MTR: variants seen among roughly 807,000 people sequenced by gnomAD.
The protein encoded by MTR is methionine synthase.
MTR carries 84 observed loss-of-function variants against 154.8 expected under a neutral mutation model. The ratio of observed to expected loss-of-function variants is 0.54; its 90% confidence interval spans 0.45 to 0.65. The LOEUF (loss-of-function observed/expected upper bound fraction) is 0.65, where lower values mean the gene tolerates loss of function less well. MTR is among the 30% of genes least tolerant of loss of function. The pLI, the probability that MTR is intolerant of heterozygous loss-of-function variation, is 0.00. For synonymous variants in MTR, 554 were observed against 553.9 expected, an observed-to-expected ratio of 1.00 and a Z score of 0.00; for missense variants, 1,275 against 1,570.2, an observed-to-expected ratio of 0.81 and a Z score of 3.18.
In MTR at chr1:236,875,835, A is replaced by G. The variant is rs566950927; in HGVS notation, c.2594+989A>G. 2.8e-3 allele frequency among the ~76,000 whole-genome samples: 390 copies of G among 137,446 alleles called. 4 individuals carry two copies. Among genetic ancestry groups the G allele is most frequent in the African/African-American group, 8.5e-3 (347 of 41,010 alleles). The allele number at this position is 137,446 out of a possible 152,430, so 90.2% of individuals were successfully genotyped here. ...CAGAATCAATAGGATATGTTTATATATAGAGAGAAAGAGATTTATTTTAAA... is the reference window on the plus strand; with the variant it reads ...CAGAATCAATAGGATATGTTTATATGTAGAGAGAAAGAGATTTATTTTAAA... On this transcript the variant is annotated intron_variant, in intron 24 of 32. Transcript: ENST00000366577.
At position 236,852,518 on chromosome 1, in the gene MTR, C is replaced by T. The variant is rs1663969544; in HGVS notation, c.1696-3C>T. The T allele has an allele frequency of 6.2e-7, 1 of 1,611,738 alleles. No individual in the cohort carries two copies. Among genetic ancestry groups the T allele is most frequent in the Non-Finnish European group, 8.5e-7 (1 of 1,178,170 alleles). ...TCTTTTCATATTTTAAAATTTTTGC[C>T]AGGAAACATTACCTGGAGCCAGAAT... On this transcript the variant is annotated splice_region_variant and splice_polypyrimidine_tract_variant and intron_variant, in intron 16 of 32. Coordinates refer to ENST00000366577, the MANE Select transcript of MTR (RefSeq NM_000254.3).
rs766014440 is a variant in MTR at position 236,835,533 on chromosome 1, C to A, written c.1189-14C>A. 1.2e-6 allele frequency: 2 copies of A among 1,612,558 alleles called. No homozygotes were observed. Among genetic ancestry groups the A allele is most frequent in the Admixed American group, 3.3e-5 (2 of 59,716 alleles). ...TGTCTCCTAATGCTGCTTCCTCTCT[C>A]ATTCTTCCTTCAGGAAGCCTTGTGT... is the stretch of plus-strand genomic sequence containing the variant. On this transcript the variant is annotated splice_polypyrimidine_tract_variant and intron_variant, in intron 13 of 32. Transcript: ENST00000366577.
rs1453654035 is a variant in MTR, at chr1:236,812,789, A to T, written c.554A>T (p.Asp185Val). The T allele has an allele frequency of 5.6e-6, 9 of 1,614,142 alleles. 1 individual carries two copies. The South Asian group carries it at 8.8e-5, about 16-fold the overall frequency. Reference sequence around the variant, plus strand: ...CAAGAGCAGGCCAAAGGACTTCTGGATGGCGGGGTTGATATCTTACTCATT... The same window carrying T: ...CAAGAGCAGGCCAAAGGACTTCTGGTTGGCGGGGTTGATATCTTACTCATT... Reference protein sequence around the residue: ...AYQEQAKGLLDGGVDILLIET... With the variant: ...AYQEQAKGLLVGGVDILLIET... The change falls in exon 6 of 33, where the codon GAT (aspartate) becomes GTT (valine). Residue 185 changes from aspartate to valine, a missense_variant. By Grantham distance (152) the Asp-to-Val change is radical (BLOSUM62 -3). Coordinates refer to ENST00000366577, the MANE Select transcript of MTR (RefSeq NM_000254.3).
chr1:236,883,300 A>G, intron 25 of MTR, among the ~76,000 whole-genome samples: 1 of 152,194 alleles, frequency 6.6e-6, no homozygotes, highest in East Asian at 1.9e-4. Flanking sequence ...GTTAGCGCAC[A>G]TATTGACCAT....
intron 10 of MTR, among the ~76,000 whole-genome samples, chr1:236,826,191 C>T (rs529294471): frequency 2.6e-5 from 4 of 152,200 alleles, no homozygotes; most frequent in Admixed American, 2.0e-4. Context: ...AAAATCAATA[C>T]TCTATTTTGT....
chr1:236,801,556 G>A (rs1180962518), intron 1 of MTR, among the ~76,000 whole-genome samples: 1 of 152,174 alleles, frequency 6.6e-6, no homozygotes, highest in Non-Finnish European at 1.5e-5. Flanking sequence ...TACATTACTG[G>A]TTTGGGTTTT....
Position 236,835,639 on chromosome 1 carries a change from A to G in MTR, c.1281A>G (p.Ala427=). Residue 427 remains alanine, a synonymous_variant, in exon 14 of 33, where the codon GCA becomes GCG. Coordinates refer to ENST00000366577, the MANE Select transcript of MTR (RefSeq NM_000254.3). The part of the protein sequence containing the change: ...MDDGMLDGPS[A]MTRFCNLIAS... ...ATGGCATGCTAGATGGTCCAAGTGC[A>G]ATGACCAGATTTTGCAACTTAATTG... 2 of 1,611,264 alleles carry G rather than the reference A, an allele frequency of 1.2e-6. No homozygotes were observed. The highest frequency in any genetic ancestry group is 1.7e-6 in the Non-Finnish European group (2 of 1,179,532).
At chr1:236,800,351 C>T in intron 1 of MTR, 4 of 985,334 alleles carry the variant, frequency 4.1e-6, no homozygotes, top group Non-Finnish European at 4.8e-6. Flanking sequence ...CCTATTTCCC[C>T]ACTGCCACAC....
intron 16 of MTR, 55 bp downstream of exon 16, chr1:236,850,578 T>C: frequency 2.0e-6 from 3 of 1,465,850 alleles, no homozygotes; most frequent in South Asian, 2.3e-5. Context: ...CCCATGGGTC[T>C]AATGAATGGT....
intron 1 of MTR, chr1:236,800,257 A>T (rs919967960): frequency 2.0e-6 from 2 of 985,314 alleles, no homozygotes; most frequent in African/African-American, 3.5e-5. Flanking sequence ...GCCAAAGGAC[A>T]TACTTCACTG....
chr1:236,873,661 G>C lies in MTR; in HGVS notation c.2406-112G>C, dbSNP rs1665265070. The C allele has an allele frequency of 4.6e-6, 4 of 873,724 alleles. No individual in the cohort carries two copies. In the African/African-American group the frequency reaches 6.7e-5, roughly 15 times the overall value. 54.1% of individuals were successfully genotyped at this position (873,724 alleles called of 1,614,324 possible). A position where few individuals can be genotyped will look rare whatever the true frequency, so the allele number is the denominator to read the frequency against. On this transcript the variant is annotated intron_variant, in intron 22 of 32. Coordinates refer to ENST00000366577, the MANE Select transcript of MTR (RefSeq NM_000254.3). Reference sequence around the variant, plus strand: ...CAATATTTAGTGAGCATTTCAACTTGATTCTCGTTTACATTAGAGCAGTAT... The same window carrying C: ...CAATATTTAGTGAGCATTTCAACTTCATTCTCGTTTACATTAGAGCAGTAT...
intron 15 of MTR, among the ~76,000 whole-genome samples, chr1:236,844,822 T>G (rs999920033): frequency 2.0e-5 from 3 of 152,206 alleles, no homozygotes; most frequent in Non-Finnish European, 4.4e-5. Flanking sequence ...TGGAATGTTG[T>G]GCCTTAGGGA....
chr1:236,799,534 C>T (rs893350564), intron 1 of MTR, among the ~76,000 whole-genome samples: 1 of 152,064 alleles, frequency 6.6e-6, no homozygotes, highest in African/African-American at 2.4e-5. Flanking sequence ...ATTCACAATT[C>T]TCTTGTTTCC....
At chr1:236,812,873 G>T (rs1419048687) in intron 6 of MTR, 29 bp downstream of exon 6, 1 of 1,575,662 alleles carries the variant, frequency 6.3e-7, no homozygotes, top group Non-Finnish European at 8.7e-7. Context: ...AACAGACAAG[G>T]CTGGGGTAAG....
rs865799186 is a variant in MTR, at chr1:236,897,771, T to A, written c.*127T>A. 1 of 817,454 alleles carries A rather than the reference T, an allele frequency of 1.2e-6. No homozygotes were observed. The highest frequency in any genetic ancestry group is 3.3e-4 in the Middle Eastern group (1 of 3,008). 50.6% of individuals were successfully genotyped at this position (817,454 alleles called of 1,614,324 possible). ...GCTGACACTTACCTGCTTCTGGTTT[T>A]CGAAGACTATTTAGTGGAACCTTGT... On this transcript the variant is annotated 3_prime_UTR_variant, in exon 33 of 33. Transcript: ENST00000366577.
At chr1:236,850,673 AT>A (rs1358415188) in intron 16 of MTR, 150 bp downstream of exon 16, 13 of 767,644 alleles carry the variant, frequency 1.7e-5, no homozygotes, top group Non-Finnish European at 2.1e-5. Flanking sequence ...AGGAGACCTT[AT>A]TTTTTTTCTT....
chr1:236,897,310 G>GCGCGCACACACACACACACA, intron 32 of MTR, among the ~76,000 whole-genome samples, 192 bp downstream of exon 32: 7 of 128,606 alleles, frequency 5.4e-5, no homozygotes, highest in Non-Finnish European at 1.2e-4. Context: ...CCACACACAC[G>GCGCGCACACACACACACACA]CACACACACA....
chr1:236,809,854 C>T (rs1661199949), intron 4 of MTR, among the ~76,000 whole-genome samples: 1 of 152,216 alleles, frequency 6.6e-6, no homozygotes, highest in South Asian at 2.1e-4. Flanking sequence ...TTTTTAGAAG[C>T]ACCTGGACTT....
At chr1:236,859,944 T>G (rs1318528731) in intron 19 of MTR, 22 bp downstream of exon 19, 1 of 1,597,858 alleles carries the variant, frequency 6.3e-7, no homozygotes, top group Non-Finnish European at 8.6e-7. Context: ...GGGCCTGAAC[T>G]GGAGGGCTGG....
Sources: gnomAD v4.1 joint callset for allele counts (sites outside exome capture counted in the v4.1 genomes callset) on GRCh38, gnomAD v4.1.1 for gene constraint, MANE v1.5 for transcripts, NCBI Gene and HGNC (gene_info 2026-07-23, HGNC 2026-07-21) for gene names.